MYOM1: variants seen among roughly 807,000 people sequenced by gnomAD.
MYOM1 encodes myomesin-1.
MYOM1 carries 164 observed loss-of-function variants against 205.3 expected under a neutral mutation model. That is an observed-to-expected ratio of 0.80 (90% confidence interval 0.70 to 0.91). MYOM1 has a LOEUF of 0.91. Ranked by LOEUF, MYOM1 falls within the 40% of genes least tolerant of loss-of-function variation. The pLI is 0.00. For synonymous variants in MYOM1, 772 were observed against 789.4 expected, an observed-to-expected ratio of 0.98 and a Z score of 0.37; for missense variants, 2,011 against 2,127.3, an observed-to-expected ratio of 0.95 and a Z score of 1.08.
intron 26 of MYOM1, among the ~76,000 whole-genome samples, chr18:3,093,342 C>T (rs1289872913): frequency 2.0e-5 from 3 of 152,182 alleles, no homozygotes; most frequent in Non-Finnish European, 4.4e-5. Flanking sequence ...CTGCTGGGCA[C>T]TGGCCTGATC....
At chr18:3,154,073 A>G (rs1487068063) in intron 11 of MYOM1, among the ~76,000 whole-genome samples, 3 of 152,156 alleles carry the variant, frequency 2.0e-5, no homozygotes, top group African/African-American at 7.2e-5. Context: ...TATAACTTGA[A>G]AACACATCCT....
intron 5 of MYOM1, among the ~76,000 whole-genome samples, chr18:3,186,612 A>G (rs1404380141): frequency 6.6e-6 from 1 of 152,174 alleles, no homozygotes; most frequent in East Asian, 1.9e-4. Flanking sequence ...TGGAAAGAAA[A>G]TATCTCATGC....
intron 20 of MYOM1, among the ~76,000 whole-genome samples, chr18:3,119,224 T>C (rs8084091): frequency 0.84 from 128,004 of 151,904 alleles, 54,578 homozygotes; most frequent in East Asian, 0.98. Flanking sequence ...GAAATTTCTT[T>C]TGGCTCAGAG....
At chr18:3,127,469 C>T (rs1023545483) in intron 18 of MYOM1, among the ~76,000 whole-genome samples, 1 of 151,382 alleles carries the variant, frequency 6.6e-6, no homozygotes, top group Non-Finnish European at 1.5e-5. Flanking sequence ...CCACCATGCC[C>T]GGCTAATTTT....
chr18:3,136,516 C>G (rs952528725), intron 14 of MYOM1, among the ~76,000 whole-genome samples: 7 of 151,992 alleles, frequency 4.6e-5, no homozygotes, highest in African/African-American at 1.5e-4. Context: ...GCCTTGACTT[C>G]TTTGGGTTCA....
chr18:3,092,530 C>A (rs2079239206), intron 26 of MYOM1, among the ~76,000 whole-genome samples: 1 of 151,702 alleles, frequency 6.6e-6, no homozygotes, highest in Non-Finnish European at 1.5e-5. Flanking sequence ...CCCTATTAGA[C>A]TATACTTATT....
intron 26 of MYOM1, among the ~76,000 whole-genome samples, chr18:3,091,726 A>ATTATTTAT (rs141197978): frequency 0.16 from 24,476 of 151,438 alleles, 2,251 homozygotes; most frequent in East Asian, 0.18. Context: ...TCCAGATTAC[A>ATTATTTAT]TTATTTATTT....
intron 2 of MYOM1, among the ~76,000 whole-genome samples, chr18:3,213,516 T>C (rs1208550410): frequency 6.6e-6 from 1 of 152,124 alleles, no homozygotes; most frequent in Non-Finnish European, 1.5e-5. Flanking sequence ...ATGAAGAAAA[T>C]AAAACTTGCC....
In MYOM1 at chr18:3,189,133, A is replaced by G; in HGVS notation, c.432-46T>C. On this transcript the variant is annotated intron_variant, in intron 3 of 37. Transcript: ENST00000356443. This position sits in a 1 kb window ranked among gnomAD's most constrained non-coding sequence, Gnocchi z 4.8. ...AATGTAGATGTTGTGGATGGCAGTGATAAGATTGAGTAATTTTACTAAGTT... is the reference window on the plus strand; with the variant it reads ...AATGTAGATGTTGTGGATGGCAGTGGTAAGATTGAGTAATTTTACTAAGTT... 6.4e-7 allele frequency: 1 copy of G among 1,551,414 alleles called. No individual in the cohort carries two copies. Among genetic ancestry groups the G allele is most frequent in the Non-Finnish European group, 8.8e-7 (1 of 1,140,710 alleles).
chr18:3,098,859 G>A (rs1285200393), intron 25 of MYOM1, among the ~76,000 whole-genome samples: 1 of 152,216 alleles, frequency 6.6e-6, no homozygotes, highest in Non-Finnish European at 1.5e-5. Context: ...ATGCCACATG[G>A]TGGCATAGAG....
intron 31 of MYOM1, 146 bp from the exon 32 acceptor site, chr18:3,084,173 A>G: frequency 1.3e-6 from 1 of 784,762 alleles, no homozygotes; most frequent in Non-Finnish European, 2.1e-6. Context: ...GATAATGAGT[A>G]TTCTTTGAGG....
the MYOM1 span, among the ~76,000 whole-genome samples, chr18:3,241,670 A>G: frequency 6.6e-6 from 1 of 152,232 alleles, no homozygotes; most frequent in Non-Finnish European, 1.5e-5. Context: ...AGCTGTGAGA[A>G]GAGGACCACT....
rs1044324160 is a variant in MYOM1 at position 3,135,799 on chromosome 18, C to G, written c.2026-69G>C. On this transcript the variant is annotated intron_variant, in intron 14 of 37. Coordinates refer to ENST00000356443, the MANE Select transcript of MYOM1 (RefSeq NM_003803.4). The surrounding 1 kb of genome is among the most constrained non-coding windows in gnomAD (Gnocchi z 4.1). ...AAGCGAGAATCCAGGCCAGGCAACT[C>G]CAAGTTTCATTCATCTGCAACAAAC... The G allele has an allele frequency of 3.9e-5, 60 of 1,557,806 alleles. No individual in the cohort carries two copies. The highest frequency in any genetic ancestry group is 5.1e-5 in the Non-Finnish European group (58 of 1,141,208).
intron 12 of MYOM1, among the ~76,000 whole-genome samples, chr18:3,150,979 CT>C (rs1164882266): frequency 0.074 from 4,137 of 55,894 alleles, 115 homozygotes; most frequent in African/African-American, 0.23. Flanking sequence ...CCATGCCTGG[CT>C]TTTTTTTTTT....
upstream of MYOM1, among the ~76,000 whole-genome samples, chr18:3,220,500 T>C (rs1452260754): frequency 6.6e-6 from 1 of 152,240 alleles, no homozygotes; most frequent in Non-Finnish European, 1.5e-5. Context: ...CCTGAATATG[T>C]GATTTCCTGT....
chr18:3,157,710 TAATAATAATAATAATC>T (rs1225111269), intron 10 of MYOM1, among the ~76,000 whole-genome samples: 2 of 147,458 alleles, frequency 1.4e-5, no homozygotes, highest in African/African-American at 5.0e-5. Flanking sequence ...ATAATAATAA[TAATAATAATAATAATC>T]CTTCTTTTTC....
intron 2 of MYOM1, among the ~76,000 whole-genome samples, chr18:3,203,959 A>C (rs2144218802): frequency 6.6e-6 from 1 of 152,160 alleles, no homozygotes; most frequent in South Asian, 2.1e-4. Context: ...TAACATATGA[A>C]AATCAGTCAG....
In MYOM1 at chr18:3,105,479, G is replaced by C. The variant is rs187426747; in HGVS notation, c.3419-2849C>G. Among the ~76,000 whole-genome samples the C allele has an allele frequency of 1.3e-3, 196 of 152,180 alleles. 1 individual carries two copies. The highest frequency in any genetic ancestry group is 4.4e-3 in the African/African-American group (184 of 41,518). On this transcript the variant is annotated intron_variant, in intron 22 of 37. Coordinates refer to ENST00000356443, the MANE Select transcript of MYOM1 (RefSeq NM_003803.4). ...TTAGCGGTAAACCCTCAGGCAAATGGAACAAATGGTCATCTAAAACAATAA... is the reference window on the plus strand; with the variant it reads ...TTAGCGGTAAACCCTCAGGCAAATGCAACAAATGGTCATCTAAAACAATAA...
rs758070531 is a variant in MYOM1, at chr18:3,214,961, G to A, written c.263C>T (p.Ser88Leu). Residue 88 changes from serine (S) to leucine (L), a missense_variant, in exon 2 of 38, where the codon TCA becomes TTA. Physicochemically the swap from Ser to Leu is moderately radical, Grantham distance 145 (BLOSUM62 -2). Transcript: ENST00000356443. ...ATGGGAGGAGCCATAATCGTAGGCT[G>A]AGGCTGCCTTCCGACTGACTTCAGA... ...LSSEVSRKAASAYDYGSSHGL... is the reference protein window; with the variant it reads ...LSSEVSRKAALAYDYGSSHGL... 3 of 1,607,528 alleles carry A rather than the reference G, an allele frequency of 1.9e-6. No homozygotes were observed. The highest frequency in any genetic ancestry group is 2.2e-5 in the South Asian group (2 of 90,720).
Sources: gnomAD v4.1 joint callset for allele counts (sites outside exome capture counted in the v4.1 genomes callset) on GRCh38, gnomAD v4.1.1 for gene constraint, Gnocchi (gnomAD v3.1) non-coding constraint, MANE v1.5 for transcripts, NCBI Gene and HGNC (gene_info 2026-07-23, HGNC 2026-07-21) for gene names.